The following CPPED1 variants were observed in gnomAD, a reference collection of about 807,000 sequenced individuals.
CPPED1 encodes the protein calcineurin like phosphoesterase domain containing 1.
Under a neutral mutation model 28.0 loss-of-function variants are expected in CPPED1, and 28 were observed. The observed-to-expected ratio is 1.00, with a 90% confidence interval of 0.74 to 1.37. CPPED1 has a LOEUF of 1.37. CPPED1 is among the 40% of genes most tolerant of loss of function. The probability of loss-of-function intolerance (pLI) is 0.00; values close to 1 mark genes in which losing one functional copy is unlikely to be tolerated. For missense variants in CPPED1, 504 were observed against 416.5 expected, an observed-to-expected ratio of 1.21 and a Z score of -1.83; for synonymous variants, 198 against 180.2, an observed-to-expected ratio of 1.10 and a Z score of -0.79.
chr16:12,786,876 C>T (rs1188274521), intron 1 of CPPED1, among the ~76,000 whole-genome samples: 1 of 152,206 alleles, frequency 6.6e-6, no homozygotes, highest in Non-Finnish European at 1.5e-5. Context: ...CGTGCCACTG[C>T]ACTCCAGCCT....
chr16:12,783,689 T>C (rs2080546030), intron 1 of CPPED1, among the ~76,000 whole-genome samples: 1 of 152,000 alleles, frequency 6.6e-6, no homozygotes, highest in South Asian at 2.1e-4. Context: ...GTTTCAAGCC[T>C]CCTTTCCCTT....
intron 2 of CPPED1, among the ~76,000 whole-genome samples, chr16:12,710,887 T>C (rs1036344267): frequency 6.6e-6 from 1 of 152,154 alleles, no homozygotes. Context: ...GCATTGTTGA[T>C]GGGAATGAAA....
intron 3 of CPPED1, among the ~76,000 whole-genome samples, chr16:12,678,276 T>A (rs368335564): frequency 2.8e-4 from 43 of 152,380 alleles, no homozygotes; most frequent in African/African-American, 1.0e-3. Context: ...AGTAAGAGCA[T>A]CTGTCCTGAC....
At chr16:12,691,663 G>A (rs539113467) in intron 3 of CPPED1, among the ~76,000 whole-genome samples, 1 of 152,108 alleles carries the variant, frequency 6.6e-6, no homozygotes, top group South Asian at 2.1e-4. Flanking sequence ...GTCCTTTGTA[G>A]GACACGGATG....
At chr16:12,699,270 A>G (rs1216660228) in intron 3 of CPPED1, among the ~76,000 whole-genome samples, 2 of 152,230 alleles carry the variant, frequency 1.3e-5, no homozygotes, top group South Asian at 2.1e-4. Context: ...TCACACTGGT[A>G]TATCTGTCCT....
At position 12,682,025 on chromosome 16, in the gene CPPED1, A is replaced by T. The variant is rs9923156; in HGVS notation, c.716-16910T>A. On this transcript the variant is annotated intron_variant, in intron 3 of 3. Transcript: ENST00000381774. This position sits in a 1 kb window ranked among gnomAD's most constrained non-coding sequence, Gnocchi z 6.1. ...GATTAGTTATGCTCCTCCAACCCCCAGACTCACTGCCGTTTATTACTTTTT... is the reference window on the plus strand; with the variant it reads ...GATTAGTTATGCTCCTCCAACCCCCTGACTCACTGCCGTTTATTACTTTTT... Among the ~76,000 whole-genome samples, 6,700 of 151,876 alleles carry T rather than the reference A, an allele frequency of 0.044. 243 individuals carry two copies. The highest frequency in any genetic ancestry group is 0.092 in the African/African-American group (3,828 of 41,418).
chr16:12,707,057 C>T (rs1051705103), intron 2 of CPPED1, among the ~76,000 whole-genome samples: 2 of 152,168 alleles, frequency 1.3e-5, no homozygotes, highest in African/African-American at 4.8e-5. Flanking sequence ...CTGCAGGCAT[C>T]TGTGCTGACT....
chr16:12,791,155 G>A (rs574829497), intron 1 of CPPED1, among the ~76,000 whole-genome samples: 5 of 151,192 alleles, frequency 3.3e-5, no homozygotes, highest in African/African-American at 1.2e-4. Context: ...CCATCAACCC[G>A]TCCTCTAGGT....
At chr16:12,774,661 C>G (rs1245004369) in intron 2 of CPPED1, among the ~76,000 whole-genome samples, 1 of 152,142 alleles carries the variant, frequency 6.6e-6, no homozygotes, top group Non-Finnish European at 1.5e-5. Flanking sequence ...ACGTAATCCC[C>G]AGTGTGGCAG....
chr16:12,785,506 C>G (rs2080557437), intron 1 of CPPED1, among the ~76,000 whole-genome samples: 1 of 150,914 alleles, frequency 6.6e-6, no homozygotes, highest in Admixed American at 6.6e-5. Flanking sequence ...CTGCTTACTG[C>G]AATCTCTGCC....
chr16:12,734,771 A>G (rs2080218483), intron 2 of CPPED1, among the ~76,000 whole-genome samples: 1 of 152,114 alleles, frequency 6.6e-6, no homozygotes, highest in Admixed American at 6.6e-5. Context: ...CTCATCAGAG[A>G]GATGAGTCCT....
chr16:12,763,369 G>A (rs371014039), intron 2 of CPPED1, among the ~76,000 whole-genome samples: 27 of 152,168 alleles, frequency 1.8e-4, no homozygotes, highest in African/African-American at 4.8e-4. Flanking sequence ...ACCATGGCTC[G>A]CCTTGGTAAA....
intron 3 of CPPED1, among the ~76,000 whole-genome samples, chr16:12,695,324 G>A (rs1596449171): frequency 1.3e-5 from 2 of 152,054 alleles, no homozygotes; most frequent in South Asian, 4.1e-4. Flanking sequence ...GAGTACAGTG[G>A]TGCAATCACA....
At chr16:12,776,583 T>C (rs368289863) in intron 2 of CPPED1, among the ~76,000 whole-genome samples, 1 of 151,442 alleles carries the variant, frequency 6.6e-6, no homozygotes, top group African/African-American at 2.4e-5. Flanking sequence ...TAAAGAGGAG[T>C]TTCCCTGCAC....
chr16:12,678,593 G>A (rs1333571245), intron 3 of CPPED1, among the ~76,000 whole-genome samples: 1 of 152,262 alleles, frequency 6.6e-6, no homozygotes, highest in East Asian at 1.9e-4. Flanking sequence ...GTTTTGTAAA[G>A]GTAGAGGTCT....
intron 2 of CPPED1, among the ~76,000 whole-genome samples, chr16:12,771,584 A>G (rs944379817): frequency 6.6e-6 from 1 of 152,236 alleles, no homozygotes. Flanking sequence ...CAGAGCCTCA[A>G]TCCTGGCTTT....
intron 3 of CPPED1, among the ~76,000 whole-genome samples, chr16:12,702,539 A>G (rs1395151717): frequency 6.6e-6 from 1 of 151,448 alleles, no homozygotes; most frequent in African/African-American, 2.4e-5. Flanking sequence ...CTCTCAATCA[A>G]TCAATCAATC....
At chr16:12,800,862 C>G (rs2080655360) in intron 1 of CPPED1, among the ~76,000 whole-genome samples, 1 of 152,056 alleles carries the variant, frequency 6.6e-6, no homozygotes, top group Non-Finnish European at 1.5e-5. Context: ...TTAACTCATA[C>G]TCCTCTTTTA....
At chr16:12,722,368 T>A (rs2080146068) in intron 2 of CPPED1, among the ~76,000 whole-genome samples, 1 of 152,240 alleles carries the variant, frequency 6.6e-6, no homozygotes, top group Non-Finnish European at 1.5e-5. Flanking sequence ...TGAGGCAGGC[T>A]GCAGGGCAGC....
Sources: allele counts gnomAD v4.1 joint callset (sites outside exome capture counted in the v4.1 genomes callset), GRCh38; gene constraint gnomAD v4.1.1; non-coding constraint Gnocchi (gnomAD v3.1); transcripts MANE v1.5; gene names NCBI Gene and HGNC (gene_info 2026-07-23, HGNC 2026-07-21).